FAAH2: variants seen among roughly 807,000 people sequenced by gnomAD.
The protein encoded by FAAH2 is fatty acid amide hydrolase 2.
A neutral mutation model predicts 36.9 loss-of-function variants in FAAH2; 60 were observed. The observed-to-expected ratio is 1.63, with a 90% CI of 1.32 to 2.02. The LOEUF is 2.02. Among genes scored for constraint, FAAH2 ranks in the 30% most tolerant of loss-of-function variants. FAAH2 has a pLI of 0.00. For missense variants in FAAH2, 689 were observed against 397.5 expected (o/e 1.73, Z -6.23); for synonymous variants, 214 against 143.8 (o/e 1.49, Z -3.49).
At chrX:57,190,610 G>C in the FAAH2 span, among the ~76,000 whole-genome samples, 1 of 110,689 alleles carries the variant, frequency 9.0e-6, no homozygotes, top group Non-Finnish European at 1.9e-5. Flanking sequence ...GGGCTGGATA[G>C]TGCAGTTCCT....
chrX:57,330,598 G>A (rs977106653), intron 3 of FAAH2, among the ~76,000 whole-genome samples: 1 of 111,161 alleles, frequency 9.0e-6, no homozygotes, highest in Non-Finnish European at 1.9e-5. Flanking sequence ...CACCCTATTT[G>A]TATACTCCCT....
the FAAH2 span, among the ~76,000 whole-genome samples, chrX:57,246,353 G>A: frequency 1.8e-5 from 2 of 111,687 alleles, no homozygotes; most frequent in Admixed American, 1.9e-4. Flanking sequence ...GAAAAAAAGG[G>A]AATCCTCCTT....
chrX:57,154,825 C>G, the FAAH2 span, among the ~76,000 whole-genome samples: 26 of 110,015 alleles, frequency 2.4e-4, no homozygotes, highest in African/African-American at 8.6e-4. Flanking sequence ...AGATCTGGGA[C>G]TCAAGGCTGC....
intron 5 of FAAH2, among the ~76,000 whole-genome samples, chrX:57,367,810 TC>T (rs1411391899): frequency 8.9e-6 from 1 of 112,060 alleles, no homozygotes; most frequent in African/African-American, 3.2e-5. Flanking sequence ...TGCTGAAGAA[TC>T]CTGCAGTTCT....
chrX:57,185,703 C>G, the FAAH2 span, among the ~76,000 whole-genome samples: 1 of 110,122 alleles, frequency 9.1e-6, no homozygotes, highest in African/African-American at 3.3e-5. Flanking sequence ...TGCTCTCCCT[C>G]GCCTTTCCCC....
rs150887135 is a variant in FAAH2 at position 57,427,369 on chromosome X, G to A, written c.997-4549G>A. On this transcript the variant is annotated intron_variant, in intron 7 of 10. Transcript: ENST00000374900. ...AACAATTTAAAAAAAAAATCAATAT[G>A]GAAGGGATTATTTCTATCTCATTCT... Among the ~76,000 whole-genome samples the A allele has an allele frequency of 8.4e-4, 93 of 111,040 alleles. No individual in the cohort carries two copies. In the East Asian group the frequency reaches 9.0e-3, roughly 11 times the overall value.
intron 5 of FAAH2, among the ~76,000 whole-genome samples, chrX:57,362,173 CA>C (rs1013911425): frequency 7.2e-5 from 8 of 110,611 alleles, no homozygotes; most frequent in African/African-American, 9.9e-5. Flanking sequence ...TATGCAGCCA[CA>C]AAAAAAGATG....
At chrX:57,160,132 G>T in the FAAH2 span, among the ~76,000 whole-genome samples, 2 of 111,526 alleles carry the variant, frequency 1.8e-5, no homozygotes, top group Non-Finnish European at 1.9e-5. Flanking sequence ...TTATATGCTG[G>T]ATTACGTTTA....
At chrX:57,478,545 G>A (rs1418094582) in intron 10 of FAAH2, among the ~76,000 whole-genome samples, 1 of 111,766 alleles carries the variant, frequency 8.9e-6, no homozygotes, top group African/African-American at 3.3e-5. Context: ...TGGTGTTTTA[G>A]ACATGATGTC....
the FAAH2 span, among the ~76,000 whole-genome samples, chrX:57,161,355 T>C: frequency 9.0e-6 from 1 of 111,111 alleles, no homozygotes; most frequent in Non-Finnish European, 1.9e-5. Flanking sequence ...GGGTGGAGAG[T>C]TCTGTAGATG....
the FAAH2 span, among the ~76,000 whole-genome samples, chrX:57,246,251 A>C: frequency 8.9e-6 from 1 of 112,025 alleles, no homozygotes; most frequent in Admixed American, 9.5e-5. Flanking sequence ...ACAACCAAAA[A>C]GAGTCCAGGA....
At chrX:57,460,779 A>G (rs2056944151) in intron 10 of FAAH2, among the ~76,000 whole-genome samples, 1 of 112,072 alleles carries the variant, frequency 8.9e-6, no homozygotes, top group Admixed American at 9.4e-5. Flanking sequence ...TCATGATGAC[A>G]GAATCAATTT....
chrX:57,374,045 G>C (rs536499344), intron 5 of FAAH2, among the ~76,000 whole-genome samples: 2 of 111,359 alleles, frequency 1.8e-5, no homozygotes, highest in African/African-American at 6.5e-5. Flanking sequence ...TTGGATTTGT[G>C]GGTTCTCTAT....
the FAAH2 span, among the ~76,000 whole-genome samples, chrX:57,259,986 TG>T: frequency 1.8e-5 from 2 of 111,888 alleles, no homozygotes; most frequent in Non-Finnish European, 3.8e-5. Context: ...ATTTACCATT[TG>T]GAATTACTAA....
intron 10 of FAAH2, among the ~76,000 whole-genome samples, chrX:57,475,920 G>A (rs1303915088): frequency 9.0e-6 from 1 of 111,261 alleles, no homozygotes; most frequent in Non-Finnish European, 1.9e-5. Context: ...TCTAATGGAA[G>A]TTGTATTCCT....
At chrX:57,191,643 C>A in the FAAH2 span, among the ~76,000 whole-genome samples, 2 of 111,655 alleles carry the variant, frequency 1.8e-5, no homozygotes, top group African/African-American at 6.5e-5. Flanking sequence ...GTCTTTAGTT[C>A]CTTTTGATTT....
chrX:57,350,126 AC>A (rs1188414140), intron 5 of FAAH2, among the ~76,000 whole-genome samples: 10 of 111,046 alleles, frequency 9.0e-5, no homozygotes, highest in Non-Finnish European at 1.9e-4. Context: ...AAGAAAAACA[AC>A]CCTGCTGACG....
chrX:57,463,346 G>A (rs776740471), intron 10 of FAAH2, among the ~76,000 whole-genome samples: 1 of 110,759 alleles, frequency 9.0e-6, no homozygotes, highest in South Asian at 3.8e-4. Context: ...AGCCCATATA[G>A]CCAAGAAAAC....
At chrX:57,421,002 T>C (rs1230797969) in intron 7 of FAAH2, among the ~76,000 whole-genome samples, 1 of 112,608 alleles carries the variant, frequency 8.9e-6, no homozygotes, top group African/African-American at 3.2e-5. Context: ...TCTTTGGTTT[T>C]GTTTATTTTT....
Sources: allele counts gnomAD v4.1 joint callset (sites outside exome capture counted in the v4.1 genomes callset), GRCh38; gene constraint gnomAD v4.1.1; transcripts MANE v1.5; gene names NCBI Gene and HGNC (gene_info 2026-07-23, HGNC 2026-07-21).